The following FBXL5 variants were observed in gnomAD, a reference collection of about 807,000 sequenced individuals.
FBXL5 encodes F-box and leucine rich repeat protein 5.
A neutral mutation model predicts 78.3 loss-of-function variants in FBXL5; 26 were observed. The observed-to-expected ratio is 0.33, with a 90% confidence interval of 0.24 to 0.46. The LOEUF (loss-of-function observed/expected upper bound fraction) is 0.46, where lower values mean the gene tolerates loss of function less well. Among genes scored for constraint, FBXL5 ranks in the 20% least tolerant of loss-of-function variants. The probability of loss-of-function intolerance (pLI) is 1.00; values close to 1 mark genes in which losing one functional copy is unlikely to be tolerated. For synonymous variants in FBXL5, 295 were observed against 282.5 expected, an observed-to-expected ratio of 1.04 and a Z score of -0.45; for missense variants, 710 against 829.2, an observed-to-expected ratio of 0.86 and a Z score of 1.77.
rs1417739638 is a variant in FBXL5 at position 15,604,604 on chromosome 4, C to T, written c.*1119G>A. The T allele has an allele frequency of 6.6e-6, 1 of 152,050 alleles. No homozygotes were observed. Among genetic ancestry groups the T allele is most frequent in the Non-Finnish European group, 1.5e-5 (1 of 68,018 alleles). 9.4% of individuals were successfully genotyped at this position (152,050 alleles called of 1,614,324 possible). The stretch of plus-strand genomic sequence containing the variant: ...TGGCTCAACGCAGAGTTGCCATAAA[C>T]CTTCCATTTGTAAAAAATGCATTAT... On this transcript the variant is annotated 3_prime_UTR_variant, in exon 11 of 11. Coordinates refer to ENST00000341285, the MANE Select transcript of FBXL5 (RefSeq NM_012161.4).
chr4:15,626,169 G>A (rs1423204312), intron 8 of FBXL5, among the ~76,000 whole-genome samples, 192 bp from the exon 9 acceptor site: 1 of 152,168 alleles, frequency 6.6e-6, no homozygotes, highest in Admixed American at 6.5e-5. Context: ...GAGTAATAAG[G>A]AAGTCAAAGT....
intron 1 of FBXL5, among the ~76,000 whole-genome samples, chr4:15,674,182 T>C (rs1717876916): frequency 2.0e-5 from 3 of 151,412 alleles, no homozygotes; most frequent in Non-Finnish European, 4.4e-5. Context: ...AAAGAATGAT[T>C]ATGAAATATC....
Position 15,636,494 on chromosome 4 carries a change from C to A in FBXL5, c.766G>T (p.Gly256Cys). 1 of 1,576,882 alleles carries A rather than the reference C, an allele frequency of 6.3e-7. No homozygotes were observed. Among genetic ancestry groups the A allele is most frequent in the Non-Finnish European group, 8.6e-7 (1 of 1,158,736 alleles). Residue 256 changes from glycine to cysteine, a missense_variant and splice_region_variant, in exon 5 of 11, where the codon GGT becomes TGT. Physicochemically the swap from Gly to Cys is radical, Grantham distance 159. Coordinates refer to ENST00000341285, the MANE Select transcript of FBXL5 (RefSeq NM_012161.4). ...ATATTTTAAAAACCCATTTACCTAC[C>A]TCTGGCCCAATGAACAGGGTAAAGA... The part of the protein sequence containing the change: ...KHLYPVHWAR[G>C]DWYSGPATEL...
At chr4:15,658,511 A>G (rs1293285117), upstream of FBXL5, among the ~76,000 whole-genome samples, 1 of 152,150 alleles carries the variant, frequency 6.6e-6, no homozygotes, top group African/African-American at 2.4e-5. Flanking sequence ...ATGGGTTATC[A>G]TAGGAGTGGG....
chr4:15,645,436 C>A (rs1715255551), intron 1 of FBXL5, among the ~76,000 whole-genome samples: 1 of 150,950 alleles, frequency 6.6e-6, no homozygotes, highest in African/African-American at 2.4e-5. Flanking sequence ...TTCTTTCTTT[C>A]TTTTTTTTTG....
At chr4:15,671,812 T>G (rs1011449335) in intron 1 of FBXL5, among the ~76,000 whole-genome samples, 1 of 152,210 alleles carries the variant, frequency 6.6e-6, no homozygotes, top group African/African-American at 2.4e-5. Context: ...ATGAATCTTT[T>G]CTTCCACAAT....
chr4:15,624,806 C>T (rs781780810), intron 9 of FBXL5, among the ~76,000 whole-genome samples: 7 of 152,154 alleles, frequency 4.6e-5, no homozygotes, highest in Non-Finnish European at 8.8e-5. Flanking sequence ...TTTGTAAACA[C>T]TTAACAGCCG....
rs74321684 is a variant in FBXL5, at chr4:15,679,925, A to G, written c.-284+1458T>C. Among the ~76,000 whole-genome samples, 149 of 152,346 alleles carry G rather than the reference A, an allele frequency of 9.8e-4. 2 individuals carry two copies. The East Asian group carries it at 0.028, about 28-fold the overall frequency. On this transcript the variant is annotated intron_variant, in intron 1 of 4. Coordinates refer to the FBXL5 transcript ENST00000507899. Reference sequence around the variant, plus strand: ...CAGAATCTGACAGTTACCCCTGCAAATGTAGAAATGACATGTATTCACTGA... The same window carrying G: ...CAGAATCTGACAGTTACCCCTGCAAGTGTAGAAATGACATGTATTCACTGA...
intron 1 of FBXL5, among the ~76,000 whole-genome samples, chr4:15,676,754 T>C (rs1447552795): frequency 6.6e-6 from 1 of 152,206 alleles, no homozygotes; most frequent in Non-Finnish European, 1.5e-5. Flanking sequence ...GGGTTCATTA[T>C]ACAATTCTTT....
chr4:15,612,076 A>G, intron 10 of FBXL5, 190 bp downstream of exon 10: 1 of 477,902 alleles, frequency 2.1e-6, no homozygotes, highest in Non-Finnish European at 3.6e-6. Context: ...CATCTGCAAG[A>G]AAAACTTACC....
At chr4:15,618,647 G>A (rs1471035153) in intron 9 of FBXL5, among the ~76,000 whole-genome samples, 2 of 152,072 alleles carry the variant, frequency 1.3e-5, no homozygotes, top group Non-Finnish European at 2.9e-5. Flanking sequence ...TTCAAGACCA[G>A]CCTAGCCAAC....
chr4:15,660,846 G>A (rs539188600), upstream of FBXL5, among the ~76,000 whole-genome samples: 18 of 152,258 alleles, frequency 1.2e-4, no homozygotes, highest in South Asian at 3.7e-3. Flanking sequence ...GGAGGCCGAG[G>A]TGGGCGGATC....
chr4:15,630,006 C>A (rs1454381144), intron 6 of FBXL5, among the ~76,000 whole-genome samples: 1 of 152,108 alleles, frequency 6.6e-6, no homozygotes, highest in Non-Finnish European at 1.5e-5. Flanking sequence ...CCTCACACTT[C>A]CAAATAGCAT....
chr4:15,651,173 G>C (rs2148709296), intron 1 of FBXL5, among the ~76,000 whole-genome samples: 1 of 152,272 alleles, frequency 6.6e-6, no homozygotes, highest in Non-Finnish European at 1.5e-5. Flanking sequence ...AGAAACCTTA[G>C]TAAGTAGCTG....
chr4:15,674,118 A>C (rs1717872780), intron 1 of FBXL5, among the ~76,000 whole-genome samples: 1 of 152,126 alleles, frequency 6.6e-6, no homozygotes, highest in Admixed American at 6.5e-5. Flanking sequence ...AAACTGAGTT[A>C]TGCTTGGTGC....
chr4:15,623,853 C>T (rs1306498411), intron 9 of FBXL5, among the ~76,000 whole-genome samples: 3 of 149,390 alleles, frequency 2.0e-5, no homozygotes, highest in Non-Finnish European at 3.0e-5. Context: ...GACGGAATTT[C>T]GCTCTGTCGC....
Position 15,625,686 on chromosome 4 carries a change from C to T in FBXL5, c.1416G>A (p.Glu472=). The T allele has an allele frequency of 1.9e-6, 3 of 1,614,206 alleles. No homozygotes were observed. In the South Asian group the frequency reaches 3.3e-5, roughly 18 times the overall value. ...TCCACACATAAGGAGAAGTGAAATT[C>T]TCAGAAGAAACAGGCTTAGTCCAGG... is the stretch of plus-strand genomic sequence containing the variant. ...EHPWTKPVSS[E]NFTSPYVWML... The change falls in exon 9 of 11, where the codon GAG becomes GAA. Residue 472 remains glutamate, a synonymous_variant. Transcript: ENST00000341285.
In FBXL5 at chr4:15,617,387, C is replaced by CA. The variant is rs113588464; in HGVS notation, c.1851-4974dup. ...TGAAACTCCATCTCTACTAAAAATA[C>CA]AAAAAAAAAAATTAACCAGGTATGG... On this transcript the variant is annotated intron_variant, in intron 9 of 10. Transcript: ENST00000341285. Among the ~76,000 whole-genome samples the CA allele has an allele frequency of 5.1e-3, 737 of 143,242 alleles. 3 individuals carry two copies. The highest frequency in any genetic ancestry group is 9.7e-3 in the Admixed American group (140 of 14,412). 94.0% of individuals were successfully genotyped at this position (143,242 alleles called of 152,430 possible).
In FBXL5 at chr4:15,625,592, G is replaced by A; in HGVS notation, c.1510C>T (p.Leu504Phe). ...VEWRHRNVESLCVMETASNFS... is the reference protein window; with the variant it reads ...VEWRHRNVESFCVMETASNFS... ...TTGGATGCTGTTTCCATTACACAAA[G>A]ACTTTCAACATTTCTATGTCTCCAT... is the stretch of plus-strand genomic sequence containing the variant. Residue 504 changes from leucine to phenylalanine, a missense_variant, in exon 9 of 11, where the codon CTT becomes TTT. Around this residue, in one of 4 missense-constraint regions of FBXL5, gnomAD observed 517 missense variants for 542.9 expected, o/e 0.95. Transcript: ENST00000341285. 1 of 1,614,144 alleles carries A rather than the reference G, an allele frequency of 6.2e-7. No homozygotes were observed. Among genetic ancestry groups the A allele is most frequent in the South Asian group, 1.1e-5 (1 of 91,084 alleles).
Sources: gnomAD v4.1 joint callset for allele counts (sites outside exome capture counted in the v4.1 genomes callset) on GRCh38, gnomAD v4.1.1 for gene constraint, gnomAD v4.1.1 regional missense constraint, MANE v1.5 for transcripts, NCBI Gene and HGNC (gene_info 2026-07-23, HGNC 2026-07-21) for gene names.